The following SNTG2 variants were observed in gnomAD, a reference collection of about 807,000 sequenced individuals.
SNTG2 encodes syntrophin gamma 2.
Under a neutral mutation model 70.9 loss-of-function variants are expected in SNTG2, and 74 were observed. The observed-to-expected ratio is 1.04, with a 90% CI of 0.86 to 1.27. The LOEUF is 1.27. Among genes scored for constraint, SNTG2 ranks in the 50% most tolerant of loss-of-function variants. The pLI, the probability that SNTG2 is intolerant of heterozygous loss-of-function variation, is 0.00. For synonymous variants in SNTG2, 278 were observed against 273.8 expected (o/e 1.02, Z -0.15); for missense variants, 717 against 690.7 (o/e 1.04, Z -0.43).
intron 1 of SNTG2, among the ~76,000 whole-genome samples, chr2:1,003,721 G>A (rs1336883008): frequency 3.9e-5 from 6 of 152,234 alleles, no homozygotes; most frequent in African/African-American, 7.2e-5. Context: ...CTGCTGTGAC[G>A]ATCTATTAAT....
intron 8 of SNTG2, among the ~76,000 whole-genome samples, chr2:1,198,077 G>T (rs985169379): frequency 6.6e-6 from 1 of 151,876 alleles, no homozygotes; most frequent in Non-Finnish European, 1.5e-5. Context: ...ACAGAACTTT[G>T]CTGGGATAGA....
At chr2:1,149,482 T>C (rs1196372873) in intron 6 of SNTG2, among the ~76,000 whole-genome samples, 1 of 152,166 alleles carries the variant, frequency 6.6e-6, no homozygotes, top group African/African-American at 2.4e-5. Context: ...CTTATTTTCG[T>C]CCATGAGCAT....
chr2:1,252,533 A>T (rs192050283), intron 12 of SNTG2, among the ~76,000 whole-genome samples: 47 of 152,340 alleles, frequency 3.1e-4, no homozygotes, highest in Non-Finnish European at 5.9e-4. Context: ...TTTGGTTTCC[A>T]TGGACCTGGG....
At chr2:1,279,116 C>A (rs1289706454) in intron 14 of SNTG2, among the ~76,000 whole-genome samples, 1 of 146,674 alleles carries the variant, frequency 6.8e-6, no homozygotes, top group Non-Finnish European at 1.5e-5. Context: ...TGTCAGCGCG[C>A]GAATCACCCG....
chr2:1,144,636 A>G (rs1668981437), intron 6 of SNTG2, among the ~76,000 whole-genome samples: 1 of 152,210 alleles, frequency 6.6e-6, no homozygotes, highest in Admixed American at 6.5e-5. Context: ...CGAAAGGCAC[A>G]TCTTACATGG....
chr2:1,138,553 A>T (rs1449082116), intron 6 of SNTG2, among the ~76,000 whole-genome samples: 1 of 151,898 alleles, frequency 6.6e-6, no homozygotes, highest in Non-Finnish European at 1.5e-5. Flanking sequence ...CTGAGAGATG[A>T]GGTGGAGGGC....
chr2:1,235,577 G>A (rs1258532418), intron 9 of SNTG2, among the ~76,000 whole-genome samples: 7 of 103,570 alleles, frequency 6.8e-5, no homozygotes, highest in Non-Finnish European at 1.2e-4. Flanking sequence ...ATTCATGAGA[G>A]GGGGGACCCC....
rs868630779 is a variant in SNTG2 at position 1,093,127 on chromosome 2, C to T, written c.211-5069C>T. Among the ~76,000 whole-genome samples, 19 of 152,208 alleles carry T rather than the reference C, an allele frequency of 1.2e-4. 1 individual carries two copies. The highest frequency in any genetic ancestry group is 3.9e-4 in the Admixed American group (6 of 15,274). On this transcript the variant is annotated intron_variant, in intron 2 of 16. Transcript: ENST00000308624. ...TGAGGAGGCCGTGATTATGGGGGAA[C>T]GCATGGAATAGGGGAGTCAGGCCAT...
chr2:1,117,456 C>T (rs1220830075), intron 4 of SNTG2, among the ~76,000 whole-genome samples: 1 of 152,098 alleles, frequency 6.6e-6, no homozygotes, highest in Non-Finnish European at 1.5e-5. Flanking sequence ...TCAAATTCAG[C>T]AAAACAGATG....
At chr2:1,238,148 T>TGACAGGGAAGAA in intron 10 of SNTG2, 131 bp downstream of exon 10, 1 of 1,219,428 alleles carries the variant, frequency 8.2e-7, no homozygotes. Flanking sequence ...ATGTGTCAAA[T>TGACAGGGAAGAA]CTATGTCTAA....
rs541927434 is a variant in SNTG2 at position 977,421 on chromosome 2, G to A, written c.72+26353G>A. ...CTTTGAGTCTGCTGTGGGAAAGTTC[G>A]CTGGATTTAACTGATTCCCCATTAT... On this transcript the variant is annotated intron_variant, in intron 1 of 16. Coordinates refer to ENST00000308624, the MANE Select transcript of SNTG2 (RefSeq NM_018968.4). Among the ~76,000 whole-genome samples, 334 of 152,210 alleles carry A rather than the reference G, an allele frequency of 2.2e-3. 1 individual carries two copies. Among genetic ancestry groups the A allele is most frequent in the Non-Finnish European group, 3.7e-3 (252 of 68,008 alleles).
intron 1 of SNTG2, among the ~76,000 whole-genome samples, chr2:1,005,820 T>A (rs1659547573): frequency 3.3e-4 from 1 of 3,028 alleles, no homozygotes; most frequent in Non-Finnish European, 6.4e-4. Context: ...TATATATATA[T>A]ATATATATAT....
chr2:1,015,785 G>A (rs983532642), intron 1 of SNTG2, among the ~76,000 whole-genome samples: 1 of 152,154 alleles, frequency 6.6e-6, no homozygotes, highest in African/African-American at 2.4e-5. Context: ...AATTGAAGAC[G>A]CGCCTTTGGG....
rs78766100 is a variant in SNTG2 at position 973,542 on chromosome 2, T to A, written c.72+22474T>A. 9.7e-3 allele frequency among the ~76,000 whole-genome samples: 964 copies of A among 99,516 alleles called. 6 individuals are homozygous for A. Among genetic ancestry groups the A allele is most frequent in the Middle Eastern group, 0.017 (3 of 176 alleles). 65.3% of individuals were successfully genotyped at this position (99,516 alleles called of 152,430 possible). ...TGTATATACATGTATATATATATAT[T>A]TTTTTTTACTTGGATATAGTTGTTT... On this transcript the variant is annotated intron_variant, in intron 1 of 16. Transcript: ENST00000308624.
intron 1 of SNTG2, among the ~76,000 whole-genome samples, chr2:983,561 C>T (rs1000885052): frequency 2.6e-5 from 4 of 152,214 alleles, no homozygotes; most frequent in South Asian, 2.1e-4. Context: ...AGTCACTCTC[C>T]GCCCTGGGGC....
chr2:1,307,402 G>C (rs1432318598), intron 14 of SNTG2, among the ~76,000 whole-genome samples: 5 of 147,954 alleles, frequency 3.4e-5, no homozygotes, highest in Admixed American at 1.3e-4. Flanking sequence ...CTGTGTCTGT[G>C]TGTGAGTGTG....
intron 4 of SNTG2, among the ~76,000 whole-genome samples, chr2:1,115,353 G>T (rs1666880873): frequency 6.6e-6 from 1 of 151,870 alleles, no homozygotes; most frequent in South Asian, 2.1e-4. Flanking sequence ...AGTAAGTGAG[G>T]TTTAACCCTT....
At chr2:959,125 G>C (rs1028976362) in intron 1 of SNTG2, among the ~76,000 whole-genome samples, 2 of 152,046 alleles carry the variant, frequency 1.3e-5, no homozygotes, top group African/African-American at 4.8e-5. Context: ...TCATTTCTAT[G>C]TTGAATAATA....
chr2:1,148,157 G>GTCGA lies in SNTG2; in HGVS notation c.411+10350_411+10351insGATC, dbSNP rs561749047. 2.6e-3 allele frequency among the ~76,000 whole-genome samples: 398 copies of GTCGA among 152,304 alleles called. 9 individuals are homozygous for GTCGA. The South Asian group carries it at 0.04, about 15-fold the overall frequency. On this transcript the variant is annotated intron_variant, in intron 6 of 16. Coordinates refer to ENST00000308624, the MANE Select transcript of SNTG2 (RefSeq NM_018968.4). ...CAATTTCAGGGGGCCCTGCAAGAGG[G>GTCGA]TCAGATCAGTGAGAGCAGAAACATT...
Sources: gnomAD v4.1 joint callset for allele counts (sites outside exome capture counted in the v4.1 genomes callset) on GRCh38, gnomAD v4.1.1 for gene constraint, MANE v1.5 for transcripts, NCBI Gene and HGNC (gene_info 2026-07-23, HGNC 2026-07-21) for gene names.